Variants in MYO6 observed in about 807,000 individuals in gnomAD.
MYO6 encodes myosin VI.
In MYO6, 74 loss-of-function variants were observed where a neutral mutation model predicts 178.7. The ratio of observed to expected loss-of-function variants is 0.41; its 90% CI spans 0.34 to 0.50. The LOEUF (loss-of-function observed/expected upper bound fraction) is 0.50. MYO6 is among the 20% of genes least tolerant of loss of function. MYO6 has a pLI of 0.09. For missense variants in MYO6, 1,330 were observed against 1,547.4 expected, an observed-to-expected ratio of 0.86 and a Z score of 2.36; for synonymous variants, 477 against 504.6, an observed-to-expected ratio of 0.95 and a Z score of 0.73.
chr6:75,799,996 T>C (rs1381637019), intron 1 of MYO6, among the ~76,000 whole-genome samples: 1 of 152,224 alleles, frequency 6.6e-6, no homozygotes, highest in Non-Finnish European at 1.5e-5. Flanking sequence ...CTTATTTCTA[T>C]GTGTGGTTTA....
At chr6:75,894,515 G>T (rs188315066) in intron 28 of MYO6, among the ~76,000 whole-genome samples, 1 of 152,104 alleles carries the variant, frequency 6.6e-6, no homozygotes, top group Admixed American at 6.5e-5. Context: ...CCTTCTGGTC[G>T]TCGTGGTTAT....
At chr6:75,897,237 A>C (rs1049184880) in intron 29 of MYO6, among the ~76,000 whole-genome samples, 1 of 152,232 alleles carries the variant, frequency 6.6e-6, no homozygotes, top group African/African-American at 2.4e-5. Context: ...GTGGAGTGAT[A>C]ATAGAATTAA....
chr6:75,786,040 T>G (rs1177151583), intron 1 of MYO6, among the ~76,000 whole-genome samples: 3 of 151,828 alleles, frequency 2.0e-5, no homozygotes, highest in African/African-American at 4.8e-5. Context: ...CTCAGCCTCC[T>G]GAGTAGCTGG....
intron 20 of MYO6, among the ~76,000 whole-genome samples, chr6:75,878,140 A>G (rs1429419628): frequency 6.6e-6 from 1 of 152,224 alleles, no homozygotes; most frequent in Non-Finnish European, 1.5e-5. Flanking sequence ...GAAATTAAAT[A>G]GTACAGAATA....
rs1781124951 is a variant in MYO6, at chr6:75,916,478, A to T, written c.*1466A>T. 6.6e-6 allele frequency: 1 copy of T among 152,660 alleles called. No individual in the cohort carries two copies. The highest frequency in any genetic ancestry group is 1.5e-5 in the Non-Finnish European group (1 of 68,046). 9.5% of individuals were successfully genotyped at this position (152,660 alleles called of 1,614,324 possible). A position where few individuals can be genotyped will look rare whatever the true frequency, so the allele number is the denominator to read the frequency against. ...TAAATTAAATGGTTGTGTCTGTGCT[A>T]TTGAGAATGCAAATGTGATTATCTT... On this transcript the variant is annotated 3_prime_UTR_variant, in exon 35 of 35. Coordinates refer to ENST00000369977, the MANE Select transcript of MYO6 (RefSeq NM_004999.4).
intron 1 of MYO6, among the ~76,000 whole-genome samples, chr6:75,775,284 C>G (rs1766269485): frequency 6.6e-6 from 1 of 152,066 alleles, no homozygotes; most frequent in Non-Finnish European, 1.5e-5. Context: ...TCATAATAGC[C>G]GAGCTGAGCA....
chr6:75,815,830 A>G (rs1771181559), intron 1 of MYO6, among the ~76,000 whole-genome samples: 1 of 152,264 alleles, frequency 6.6e-6, no homozygotes, highest in Admixed American at 6.5e-5. Context: ...AAGGAGGATT[A>G]TGGCACATGA....
At chr6:75,868,140 C>T (rs1776847776) in intron 18 of MYO6, among the ~76,000 whole-genome samples, 1 of 151,544 alleles carries the variant, frequency 6.6e-6, no homozygotes, top group East Asian at 1.9e-4. Context: ...GAAATGGGCT[C>T]TAAATAACTA....
intron 11 of MYO6, among the ~76,000 whole-genome samples, chr6:75,849,268 A>G (rs1176492715): frequency 6.6e-6 from 1 of 152,216 alleles, no homozygotes; most frequent in African/African-American, 2.4e-5. Context: ...CAGAGGCTAT[A>G]TGTCCTGCAA....
chr6:75,796,675 C>A (rs1315396148), intron 1 of MYO6, among the ~76,000 whole-genome samples: 1 of 150,646 alleles, frequency 6.6e-6, no homozygotes, highest in East Asian at 2.0e-4. Context: ...ACTATATTGC[C>A]CATGCTGGTC....
intron 1 of MYO6, among the ~76,000 whole-genome samples, chr6:75,804,930 CAT>C (rs1769867307): frequency 6.9e-6 from 1 of 144,106 alleles, no homozygotes; most frequent in Admixed American, 7.0e-5. Context: ...AATATATACA[CAT>C]ATATACATAT....
At chr6:75,788,192 A>G (rs1195130965) in intron 1 of MYO6, among the ~76,000 whole-genome samples, 1 of 152,130 alleles carries the variant, frequency 6.6e-6, no homozygotes, top group Non-Finnish European at 1.5e-5. Flanking sequence ...AGCCTGGGCA[A>G]CATGGTGAAA....
intron 1 of MYO6, among the ~76,000 whole-genome samples, chr6:75,798,915 C>T (rs1769134258): frequency 6.6e-6 from 1 of 152,158 alleles, no homozygotes; most frequent in Admixed American, 6.5e-5. Flanking sequence ...TGTTTCAGGA[C>T]ACAAAATAAA....
At chr6:75,761,973 C>T (rs898296067) in intron 1 of MYO6, among the ~76,000 whole-genome samples, 1 of 151,794 alleles carries the variant, frequency 6.6e-6, no homozygotes, top group Non-Finnish European at 1.5e-5. Flanking sequence ...ACTCTGTCGC[C>T]CAGGCTGGAG....
At chr6:75,765,736 A>C (rs891395106) in intron 1 of MYO6, among the ~76,000 whole-genome samples, 9 of 152,092 alleles carry the variant, frequency 5.9e-5, no homozygotes, top group Admixed American at 5.9e-4. Context: ...GAACTTCAAA[A>C]AAAAGAAAAG....
chr6:75,767,765 C>A (rs1778567357), intron 1 of MYO6, among the ~76,000 whole-genome samples: 1 of 151,918 alleles, frequency 6.6e-6, no homozygotes, highest in Admixed American at 6.6e-5. Flanking sequence ...CATCTGCTTG[C>A]CTTGGCCTCC....
At chr6:75,876,598 T>A (rs1467279574) in intron 20 of MYO6, among the ~76,000 whole-genome samples, 1 of 152,242 alleles carries the variant, frequency 6.6e-6, no homozygotes, top group Non-Finnish European at 1.5e-5. Flanking sequence ...CTGTTTAGAT[T>A]TAGCTATATA....
chr6:75,800,230 T>C (rs1460716168), intron 1 of MYO6, among the ~76,000 whole-genome samples: 1 of 152,054 alleles, frequency 6.6e-6, no homozygotes, highest in Non-Finnish European at 1.5e-5. Context: ...AAATTCAAAA[T>C]TGGTATGCGG....
intron 14 of MYO6, among the ~76,000 whole-genome samples, chr6:75,860,261 T>TA (rs1373698293): frequency 1.3e-5 from 2 of 152,254 alleles, no homozygotes; most frequent in Non-Finnish European, 2.9e-5. Flanking sequence ...ACATTTTACT[T>TA]ACATTCTGTA....
Sources: allele counts gnomAD v4.1 joint callset (sites outside exome capture counted in the v4.1 genomes callset), GRCh38; gene constraint gnomAD v4.1.1; transcripts MANE v1.5; gene names NCBI Gene and HGNC (gene_info 2026-07-23, HGNC 2026-07-21).